The following CNTN5 variants were observed in gnomAD, a reference collection of about 807,000 sequenced individuals.
CNTN5 encodes the protein contactin-5.
Under a neutral mutation model 129.1 loss-of-function variants are expected in CNTN5, and 77 were observed. That is an observed-to-expected ratio of 0.60 (90% CI 0.50 to 0.72). The LOEUF (loss-of-function observed/expected upper bound fraction) is 0.72, where lower values mean the gene tolerates loss of function less well. Among genes scored for constraint, CNTN5 ranks in the 30% least tolerant of loss-of-function variants. CNTN5 has a pLI of 0.00. For missense variants in CNTN5, 1,478 were observed against 1,328.8 expected (o/e 1.11, Z -1.75); for synonymous variants, 509 against 465.6 (o/e 1.09, Z -1.20).
intron 2 of CNTN5, among the ~76,000 whole-genome samples, chr11:99,432,184 A>C (rs982939304): frequency 5.3e-5 from 8 of 152,214 alleles, no homozygotes; most frequent in East Asian, 1.9e-4. Flanking sequence ...CTAAGATTTT[A>C]TTTTCTTTTC....
At chr11:99,677,447 G>C (rs1953339514) in intron 3 of CNTN5, among the ~76,000 whole-genome samples, 1 of 152,118 alleles carries the variant, frequency 6.6e-6, no homozygotes. Flanking sequence ...GTTGATTTCT[G>C]AACCAGCCGG....
chr11:99,268,794 A>G (rs917285321), intron 1 of CNTN5, among the ~76,000 whole-genome samples: 8 of 152,128 alleles, frequency 5.3e-5, no homozygotes, highest in Middle Eastern at 6.8e-3. Context: ...GCATTCGTCT[A>G]ATGATTGTCT....
At chr11:100,005,877 CAGCCTT>C (rs1940159448) in intron 9 of CNTN5, among the ~76,000 whole-genome samples, 1 of 152,100 alleles carries the variant, frequency 6.6e-6, no homozygotes, top group Non-Finnish European at 1.5e-5. Flanking sequence ...TACCTGTTCC[CAGCCTT>C]AGCGGAGTAA....
chr11:99,913,563 T>C (rs913909398), intron 6 of CNTN5, among the ~76,000 whole-genome samples: 1 of 152,088 alleles, frequency 6.6e-6, no homozygotes, highest in South Asian at 2.1e-4. Flanking sequence ...TGTTGAATTT[T>C]GCTTGTATTA....
At chr11:99,183,080 A>G (rs1481724046) in intron 1 of CNTN5, among the ~76,000 whole-genome samples, 4 of 152,100 alleles carry the variant, frequency 2.6e-5, no homozygotes, top group African/African-American at 9.7e-5. Context: ...CATTTTTCTT[A>G]TTTAGTCATG....
At chr11:99,796,504 G>A (rs748648529) in intron 3 of CNTN5, among the ~76,000 whole-genome samples, 13 of 152,058 alleles carry the variant, frequency 8.5e-5, no homozygotes, top group Non-Finnish European at 1.6e-4. Context: ...CTGCTCTGCT[G>A]GAGCTGTCCG....
chr11:100,293,282 T>G (rs941801492), intron 18 of CNTN5, among the ~76,000 whole-genome samples: 4 of 151,896 alleles, frequency 2.6e-5, no homozygotes, highest in African/African-American at 9.7e-5. Flanking sequence ...CAAGGAGGTT[T>G]ATAAATCAGA....
intron 9 of CNTN5, among the ~76,000 whole-genome samples, chr11:100,044,556 A>G (rs1942565066): frequency 6.6e-6 from 1 of 151,314 alleles, no homozygotes; most frequent in African/African-American, 2.4e-5. Flanking sequence ...TGTGGTTTTA[A>G]TTTGCATTGA....
chr11:99,844,721 T>G, intron 4 of CNTN5, 131 bp from the exon 5 acceptor site: 1 of 785,224 alleles, frequency 1.3e-6, no homozygotes, highest in Non-Finnish European at 2.0e-6. Context: ...CTATTCCTTC[T>G]TTTGGGAATT....
chr11:99,853,575 A>G (rs1402763478), intron 6 of CNTN5, among the ~76,000 whole-genome samples: 6 of 151,772 alleles, frequency 4.0e-5, no homozygotes, highest in Non-Finnish European at 5.9e-5. Flanking sequence ...AATTTTTTGT[A>G]TTTTTAGTAG....
intron 13 of CNTN5, among the ~76,000 whole-genome samples, chr11:100,172,183 A>G (rs1947846613): frequency 6.6e-6 from 1 of 152,074 alleles, no homozygotes; most frequent in Non-Finnish European, 1.5e-5. Flanking sequence ...AACTAATAGT[A>G]GTTACTGTCT....
intron 1 of CNTN5, among the ~76,000 whole-genome samples, chr11:99,097,140 A>G (rs1431179061): frequency 6.6e-6 from 1 of 152,084 alleles, no homozygotes; most frequent in African/African-American, 2.4e-5. Flanking sequence ...GATAAATATC[A>G]TAAAGAAAAC....
intron 2 of CNTN5, among the ~76,000 whole-genome samples, chr11:99,492,060 A>C (rs972920858): frequency 4.6e-5 from 7 of 152,152 alleles, no homozygotes; most frequent in Non-Finnish European, 1.0e-4. Flanking sequence ...TCAGAACACC[A>C]AGCAGTGCAG....
At chr11:100,014,136 T>G (rs1940687128) in intron 9 of CNTN5, among the ~76,000 whole-genome samples, 1 of 152,156 alleles carries the variant, frequency 6.6e-6, no homozygotes, top group South Asian at 2.1e-4. Flanking sequence ...CCATTAGAAT[T>G]TCATGCATTC....
chr11:99,918,507 C>G (rs549166273), intron 7 of CNTN5, among the ~76,000 whole-genome samples: 1 of 152,134 alleles, frequency 6.6e-6, no homozygotes, highest in African/African-American at 2.4e-5. Context: ...CCCAGTCTCA[C>G]TCTCAGGTGA....
At chr11:99,907,462 G>A (rs987054326) in intron 6 of CNTN5, among the ~76,000 whole-genome samples, 2 of 151,850 alleles carry the variant, frequency 1.3e-5, no homozygotes, top group African/African-American at 4.8e-5. Flanking sequence ...AAACTATGTT[G>A]TCCAGTTGCC....
At chr11:99,507,284 G>A (rs953222611) in intron 2 of CNTN5, among the ~76,000 whole-genome samples, 4 of 150,952 alleles carry the variant, frequency 2.6e-5, no homozygotes, top group African/African-American at 9.8e-5. Context: ...GGCTGAGGCA[G>A]GAGAATCGCT....
chr11:100,275,796 G>A (rs1273993613), intron 18 of CNTN5, among the ~76,000 whole-genome samples: 2 of 152,184 alleles, frequency 1.3e-5, no homozygotes, highest in African/African-American at 4.8e-5. Context: ...GTGAGTTGAG[G>A]AAGGTTTGTA....
chr11:100,033,528 T>C (rs1372271641), intron 9 of CNTN5, among the ~76,000 whole-genome samples: 3 of 152,180 alleles, frequency 2.0e-5, no homozygotes, highest in Admixed American at 1.3e-4. Context: ...AGGACCCCTG[T>C]CTTCACCTCT....
Sources: allele counts gnomAD v4.1 joint callset (sites outside exome capture counted in the v4.1 genomes callset), GRCh38; gene constraint gnomAD v4.1.1; transcripts MANE v1.5; gene names NCBI Gene and HGNC (gene_info 2026-07-23, HGNC 2026-07-21).